Variants in UVRAG observed in about 807,000 individuals in gnomAD.
UVRAG encodes the protein UV radiation resistance associated.
A neutral mutation model predicts 78.0 loss-of-function variants in UVRAG; 19 were observed. That is an observed-to-expected ratio of 0.24 (90% CI 0.17 to 0.36). UVRAG has a LOEUF of 0.36. UVRAG is among the 10% of genes least tolerant of loss of function. The pLI is 1.00. For missense variants in UVRAG, 740 were observed against 853.8 expected (o/e 0.87, Z 1.66); for synonymous variants, 323 against 324.6 (o/e 1.00, Z 0.05).
chr11:76,022,671 C>T (rs535200986), intron 12 of UVRAG, among the ~76,000 whole-genome samples: 1 of 152,252 alleles, frequency 6.6e-6, no homozygotes, highest in South Asian at 2.1e-4. Context: ...TAGAATAAGT[C>T]TCTTGAAGAT....
In UVRAG at chr11:75,817,490, G is replaced by A. The variant is rs554769261; in HGVS notation, c.117+1966G>A. 3.9e-5 allele frequency among the ~76,000 whole-genome samples: 6 copies of A among 152,270 alleles called. No homozygotes were observed. The East Asian group carries it at 9.6e-4, about 24-fold the overall frequency. On this transcript the variant is annotated intron_variant, in intron 1 of 14. Transcript: ENST00000356136. ...TACAGCTGAATGCTATATGAGTGCC[G>A]AGTATGCTATTTACATCTTTCTGGG... is the stretch of plus-strand genomic sequence containing the variant.
At chr11:76,081,078 C>G (rs1951484969) in intron 13 of UVRAG, among the ~76,000 whole-genome samples, 1 of 152,212 alleles carries the variant, frequency 6.6e-6, no homozygotes, top group Non-Finnish European at 1.5e-5. Context: ...TTCATTGTTT[C>G]CAGATTCCCT....
intron 12 of UVRAG, among the ~76,000 whole-genome samples, chr11:76,060,766 A>C (rs1172436120): frequency 6.6e-6 from 1 of 152,170 alleles, no homozygotes; most frequent in Non-Finnish European, 1.5e-5. Flanking sequence ...CCGGCGCTGC[A>C]CTCGATTTCT....
rs1952708321 is a variant in UVRAG at position 76,140,868 on chromosome 11, C to T, written c.1555C>T (p.Pro519Ser). 6.2e-7 allele frequency: 1 copy of T among 1,614,144 alleles called. No individual in the cohort carries two copies. The highest frequency in any genetic ancestry group is 8.5e-7 in the Non-Finnish European group (1 of 1,180,036). The change falls in exon 15 of 15, where the codon CCT becomes TCT. Residue 519 changes from proline (P) to serine (S), a missense_variant. Transcript: ENST00000356136. ...GAATGAGAGACTTCAGTACAAAACCCCTCCTCCCAGTTACAACTCAGCATT... is the reference window on the plus strand; with the variant it reads ...GAATGAGAGACTTCAGTACAAAACCTCTCCTCCCAGTTACAACTCAGCATT... ...SENERLQYKT[P>S]PPSYNSALAQ...
chr11:76,122,175 T>G (rs1158458179), intron 14 of UVRAG, among the ~76,000 whole-genome samples: 2 of 152,228 alleles, frequency 1.3e-5, no homozygotes, highest in Non-Finnish European at 2.9e-5. Context: ...GGAGAGTTAT[T>G]TTGAACATTC....
chr11:75,995,991 G>T (rs1208018819), intron 8 of UVRAG, among the ~76,000 whole-genome samples: 2 of 152,092 alleles, frequency 1.3e-5, no homozygotes, highest in Non-Finnish European at 2.9e-5. Flanking sequence ...TGTGGCAGGG[G>T]TATTTTGGGG....
rs574548767 is a variant in UVRAG at position 76,075,150 on chromosome 11, CA to C, written c.1305+9367del. Reference sequence around the variant, plus strand: ...CTTTTATTTTCATAATTCTTGGAATCAAAAATATAAATTCCAAGGATGTTTT... The same window carrying C: ...CTTTTATTTTCATAATTCTTGGAATCAAAATATAAATTCCAAGGATGTTTT... On this transcript the variant is annotated intron_variant, in intron 13 of 14. Transcript: ENST00000356136. 2.4e-4 allele frequency among the ~76,000 whole-genome samples: 37 copies of C among 152,148 alleles called. No homozygotes were observed. The East Asian group carries it at 6.9e-3, about 29-fold the overall frequency.
intron 13 of UVRAG, among the ~76,000 whole-genome samples, chr11:76,075,362 GCACTTTGGGAGGCCGAGGTGGGCGGAT>G (rs1340794468): frequency 6.6e-6 from 1 of 152,170 alleles, no homozygotes; most frequent in African/African-American, 2.4e-5. Context: ...TGTAATGCCA[GCACTTTGGGAGGCCGAGGTGGGCGGAT>G]CACTTGAGGT....
intron 13 of UVRAG, among the ~76,000 whole-genome samples, chr11:76,104,962 TA>T (rs1951944796): frequency 6.6e-6 from 1 of 152,220 alleles, no homozygotes; most frequent in Non-Finnish European, 1.5e-5. Flanking sequence ...GAACTCCCTG[TA>T]GCTACACATT....
chr11:75,824,554 G>A lies in UVRAG; in HGVS notation c.117+9030G>A, dbSNP rs948124202. Reference sequence around the variant, plus strand: ...TAATAAGTTGGGCCTGAAGTGAAACGTATGGTAGAATGAAAAAAAATTAGA... The same window carrying A: ...TAATAAGTTGGGCCTGAAGTGAAACATATGGTAGAATGAAAAAAAATTAGA... On this transcript the variant is annotated intron_variant, in intron 1 of 14. Transcript: ENST00000356136. Among the ~76,000 whole-genome samples the A allele has an allele frequency of 7.3e-5, 11 of 151,598 alleles. No homozygotes were observed. In the South Asian group the frequency reaches 1.7e-3, roughly 23 times the overall value.
At chr11:75,876,080 C>G (rs1442877150) in intron 3 of UVRAG, among the ~76,000 whole-genome samples, 1 of 152,022 alleles carries the variant, frequency 6.6e-6, no homozygotes, top group African/African-American at 2.4e-5. Flanking sequence ...GTCATGGCTT[C>G]ACGACAAAGA....
chr11:75,983,869 G>T, intron 8 of UVRAG: 1 of 162,844 alleles, frequency 6.1e-6, no homozygotes, highest in Non-Finnish European at 1.3e-5. Flanking sequence ...TATAATCTGT[G>T]GGACCGCCAT....
At chr11:75,980,102 T>A (rs776223308) in intron 7 of UVRAG, 2 of 153,060 alleles carry the variant, frequency 1.3e-5, no homozygotes, top group Admixed American at 1.3e-4. Flanking sequence ...CTTTTTTTTT[T>A]CTCCCCTGTT....
At position 76,141,445 on chromosome 11, in the gene UVRAG, A is replaced by G; in HGVS notation, c.*32A>G. On this transcript the variant is annotated 3_prime_UTR_variant, in exon 15 of 15. Transcript: ENST00000356136. ...CAGGTCAACAGTAGGACTGGGGCAG[A>G]AGCTCTGCCTAAAATGAAGTGAAAG... 6.3e-7 allele frequency: 1 copy of G among 1,587,142 alleles called. No homozygotes were observed. The highest frequency in any genetic ancestry group is 1.1e-5 in the South Asian group (1 of 88,924).
chr11:75,853,089 T>A (rs1165422076), intron 2 of UVRAG, among the ~76,000 whole-genome samples: 1 of 151,762 alleles, frequency 6.6e-6, no homozygotes, highest in Non-Finnish European at 1.5e-5. Flanking sequence ...TTTGAAAAAA[T>A]TTTTGTAGAA....
At chr11:75,865,565 G>A (rs1377859411) in intron 3 of UVRAG, among the ~76,000 whole-genome samples, 3 of 151,732 alleles carry the variant, frequency 2.0e-5, no homozygotes, top group Non-Finnish European at 2.9e-5. Flanking sequence ...GCCACATGAG[G>A]CTAGTAGATA....
chr11:76,115,768 T>C, intron 13 of UVRAG, 156 bp from the exon 14 acceptor site: 1 of 636,424 alleles, frequency 1.6e-6, no homozygotes, highest in Non-Finnish European at 2.7e-6. Flanking sequence ...ATATGTCAAA[T>C]ACCCAGTAAG....
At chr11:75,873,624 A>C (rs991223502) in intron 3 of UVRAG, among the ~76,000 whole-genome samples, 8 of 152,206 alleles carry the variant, frequency 5.3e-5, no homozygotes, top group Admixed American at 1.3e-4. Flanking sequence ...CTTGAGGTGG[A>C]CTAGGCAAAT....
intron 6 of UVRAG, among the ~76,000 whole-genome samples, chr11:75,947,600 T>A (rs977715338): frequency 6.6e-6 from 1 of 152,146 alleles, no homozygotes; most frequent in African/African-American, 2.4e-5. Context: ...GAAAAAGCAC[T>A]TTGGAAACTA....
Sources: gnomAD v4.1 joint callset for allele counts (sites outside exome capture counted in the v4.1 genomes callset) on GRCh38, gnomAD v4.1.1 for gene constraint, MANE v1.5 for transcripts, NCBI Gene and HGNC (gene_info 2026-07-23, HGNC 2026-07-21) for gene names.